The following TRNAU1AP variants were observed in gnomAD, a reference collection of about 807,000 sequenced individuals.
The protein encoded by TRNAU1AP is tRNA selenocysteine 1-associated protein 1.
Under a neutral mutation model 43.3 loss-of-function variants are expected in TRNAU1AP, and 33 were observed. That is an observed-to-expected ratio of 0.76 (90% CI 0.58 to 1.02). The LOEUF is 1.02. TRNAU1AP is among the 50% of genes least tolerant of loss of function. TRNAU1AP has a pLI of 0.00. For synonymous variants in TRNAU1AP, 143 were observed against 129.1 expected (o/e 1.11, Z -0.73); for missense variants, 290 against 362.7 (o/e 0.80, Z 1.63).
At chr1:28,558,062 A>AT (rs998976595) in intron 2 of TRNAU1AP, among the ~76,000 whole-genome samples, 3,303 of 122,066 alleles carry the variant, frequency 0.027, 149 homozygotes, top group African/African-American at 0.092. Flanking sequence ...TGCCTGGCTA[A>AT]TTTTTTTTTT....
At chr1:28,560,279 C>CTTTTTTTTTTT (rs61583725) in intron 2 of TRNAU1AP, among the ~76,000 whole-genome samples, 1 of 137,778 alleles carries the variant, frequency 7.3e-6, no homozygotes. Context: ...CATCTTGAGC[C>CTTTTTTTTTTT]TTTTTTTTTT....
In TRNAU1AP at chr1:28,574,077, CTT is replaced by C. The variant is rs1178078009; in HGVS notation, c.727+2195_727+2196del. ...TGGGCAACATAACGAGACCCCATCT[CTT>C]TTTTTTTTTTTTTTTTTGGGAGACG... On this transcript the variant is annotated intron_variant, in intron 8 of 8. Transcript: ENST00000373830. 4.8e-4 allele frequency among the ~76,000 whole-genome samples: 60 copies of C among 124,104 alleles called. No homozygotes were observed. In the East Asian group the frequency reaches 6.5e-3, roughly 13 times the overall value. The allele number at this position is 124,104 out of a possible 152,430, so 81.4% of individuals were successfully genotyped here.
intron 6 of TRNAU1AP, among the ~76,000 whole-genome samples, chr1:28,568,283 A>AT (rs1320799999): frequency 1.3e-5 from 2 of 152,038 alleles, no homozygotes; most frequent in African/African-American, 4.8e-5. Flanking sequence ...TCTGAATGGG[A>AT]TTTTTTGTTT....
chr1:28,560,821 T>A (rs1288472284), intron 3 of TRNAU1AP, 89 bp downstream of exon 3: 1 of 1,152,206 alleles, frequency 8.7e-7, no homozygotes, highest in South Asian at 1.5e-5. Context: ...ACTTATTTTA[T>A]TTAATCCTAA....
intron 6 of TRNAU1AP, 139 bp downstream of exon 6, chr1:28,567,552 G>GGCAAACAGCAGGCATT: frequency 1.9e-6 from 2 of 1,033,852 alleles, no homozygotes; most frequent in Non-Finnish European, 2.7e-6. Context: ...CTGAATGCCT[G>GGCAAACAGCAGGCATT]CTGTTTGCCA....
chr1:28,576,292 T>A (rs970240951), intron 8 of TRNAU1AP, among the ~76,000 whole-genome samples: 2 of 151,530 alleles, frequency 1.3e-5, no homozygotes, highest in Non-Finnish European at 2.9e-5. Flanking sequence ...TAGCTGGCAC[T>A]ACAGACACAG....
rs537351086 is a variant in TRNAU1AP at position 28,572,492 on chromosome 1, G to C, written c.727+592G>C. On this transcript the variant is annotated intron_variant, in intron 8 of 8. Transcript: ENST00000373830. ...ATTACAGGCATGAGCCACTGTGCCT[G>C]GCCGATAATACTGTTACCTTTTATT... Among the ~76,000 whole-genome samples the C allele has an allele frequency of 7.9e-5, 12 of 151,822 alleles. No individual in the cohort carries two copies. In the South Asian group the frequency reaches 2.3e-3, roughly 29 times the overall value.
At chr1:28,557,533 A>G (rs1466165319) in intron 2 of TRNAU1AP, among the ~76,000 whole-genome samples, 1 of 135,844 alleles carries the variant, frequency 7.4e-6, no homozygotes, top group Non-Finnish European at 1.6e-5. Flanking sequence ...ACTATATTAC[A>G]TATTATTTTT....
intron 2 of TRNAU1AP, among the ~76,000 whole-genome samples, chr1:28,559,143 C>T (rs989162473): frequency 2.6e-4 from 40 of 151,902 alleles, no homozygotes; most frequent in African/African-American, 8.9e-4. Flanking sequence ...GCGATCTCGG[C>T]TCACTGCAGC....
At chr1:28,554,007 G>C in intron 2 of TRNAU1AP, 1 of 281,594 alleles carries the variant, frequency 3.6e-6, no homozygotes, top group Non-Finnish European at 7.0e-6. Flanking sequence ...AGACCAGCCT[G>C]GCCAACATGG....
chr1:28,571,778 ACCT>A, intron 7 of TRNAU1AP, 86 bp from the exon 8 acceptor site: 1 of 1,066,234 alleles, frequency 9.4e-7, no homozygotes, highest in Non-Finnish European at 1.4e-6. Flanking sequence ...GCTAGACTCC[ACCT>A]CAAAAAAAAT....
intron 5 of TRNAU1AP, among the ~76,000 whole-genome samples, chr1:28,566,888 C>CT (rs1665553491): frequency 6.6e-6 from 1 of 152,250 alleles, no homozygotes; most frequent in Non-Finnish European, 1.5e-5. Context: ...GGAACGTTGT[C>CT]TTTCTGTGAC....
Position 28,577,570 on chromosome 1 carries a change from C to T in TRNAU1AP, c.798C>T (p.Asp266=), listed in dbSNP as rs754096220. The T allele has an allele frequency of 9.3e-6, 15 of 1,613,936 alleles. No individual in the cohort carries two copies. Among genetic ancestry groups the T allele is most frequent in the South Asian group, 3.3e-5 (3 of 91,082 alleles). Residue 266 remains aspartate, a synonymous_variant, in exon 9 of 9, where the codon GAC becomes GAT. Transcript: ENST00000373830. ...EFMEQSEELY[D]ALMDCHWQPL... ...TGGAACAGAGTGAGGAGCTGTATGA[C>T]GCTCTGATGGACTGTCACTGGCAGC... is the stretch of plus-strand genomic sequence containing the variant.
chr1:28,568,560 C>T (rs78888210), intron 6 of TRNAU1AP, among the ~76,000 whole-genome samples: 4,993 of 152,260 alleles, frequency 0.033, 303 homozygotes, highest in African/African-American at 0.11. Flanking sequence ...CAGGCATAAG[C>T]CATTGTGCCT....
In TRNAU1AP at chr1:28,578,284, A is replaced by G. The variant is rs780361978; in HGVS notation, c.*648A>G. On this transcript the variant is annotated 3_prime_UTR_variant, in exon 9 of 9. Coordinates refer to ENST00000373830, the MANE Select transcript of TRNAU1AP (RefSeq NM_017846.5). Reference sequence around the variant, plus strand: ...CAGCTCAGAAAGGATTAAGGAAGATAGCTCAAAGCCAAAGCAGACCCTCCG... The same window carrying G: ...CAGCTCAGAAAGGATTAAGGAAGATGGCTCAAAGCCAAAGCAGACCCTCCG... 2.4e-5 allele frequency: 4 copies of G among 163,952 alleles called. No homozygotes were observed. Among genetic ancestry groups the G allele is most frequent in the Admixed American group, 5.7e-5 (1 of 17,452 alleles). 10.2% of individuals were successfully genotyped at this position (163,952 alleles called of 1,614,324 possible). A position where few individuals can be genotyped will look rare whatever the true frequency, so the allele number is the denominator to read the frequency against.
chr1:28,574,966 CTAG>C (rs906530663), intron 8 of TRNAU1AP, among the ~76,000 whole-genome samples: 2 of 141,116 alleles, frequency 1.4e-5, no homozygotes, highest in Non-Finnish European at 3.2e-5. Flanking sequence ...AGATGGGAAA[CTAG>C]TGGCTCGGAA....
At chr1:28,562,101 A>G (rs1376722054) in intron 4 of TRNAU1AP, among the ~76,000 whole-genome samples, 1 of 152,196 alleles carries the variant, frequency 6.6e-6, no homozygotes, top group Non-Finnish European at 1.5e-5. Context: ...AACCCAATGA[A>G]TTGACCTGTT....
chr1:28,553,525 C>T lies in TRNAU1AP; in HGVS notation c.28-115C>T, dbSNP rs1665182248. ...GCCGCTCAGTGGAGGCGAACCTCGC[C>T]CCTCGCTCCCCCAGCGGCGCGTAGC... On this transcript the variant is annotated intron_variant, in intron 1 of 8. Coordinates refer to ENST00000373830, the MANE Select transcript of TRNAU1AP (RefSeq NM_017846.5). 75 of 975,232 alleles carry T rather than the reference C, an allele frequency of 7.7e-5. 1 individual carries two copies. The South Asian group carries it at 1.0e-3, about 13-fold the overall frequency. 60.4% of individuals were successfully genotyped at this position (975,232 alleles called of 1,614,324 possible).
intron 4 of TRNAU1AP, among the ~76,000 whole-genome samples, chr1:28,561,794 C>T (rs562299207): frequency 2.6e-5 from 4 of 152,110 alleles, no homozygotes; most frequent in South Asian, 4.2e-4. Flanking sequence ...CAAAAATGGC[C>T]GGGTGTGGTG....
Sources: allele counts gnomAD v4.1 joint callset (sites outside exome capture counted in the v4.1 genomes callset), GRCh38; gene constraint gnomAD v4.1.1; transcripts MANE v1.5; gene names NCBI Gene and HGNC (gene_info 2026-07-23, HGNC 2026-07-21).